ROBO2: variants seen among roughly 807,000 people sequenced by gnomAD.
The protein encoded by ROBO2 is roundabout guidance receptor 2, also known as roundabout homolog 2.
A neutral mutation model predicts 160.8 loss-of-function variants in ROBO2; 53 were observed. That is an observed-to-expected ratio of 0.33 (90% CI 0.26 to 0.41). The LOEUF (loss-of-function observed/expected upper bound fraction) is 0.41. ROBO2 is among the 10% of genes least tolerant of loss of function. The pLI is 1.00. For synonymous variants in ROBO2, 664 were observed against 611.7 expected, an observed-to-expected ratio of 1.09 and a Z score of -1.26; for missense variants, 1,577 against 1,722.4, an observed-to-expected ratio of 0.92 and a Z score of 1.49.
chr3:76,133,648 G>A (rs1424280755), intron 2 of ROBO2, among the ~76,000 whole-genome samples: 1 of 152,088 alleles, frequency 6.6e-6, no homozygotes, highest in African/African-American at 2.4e-5. Flanking sequence ...CAAATCACTG[G>A]TGTTAAGTCC....
Position 76,953,754 on chromosome 3 carries a change from G to A in ROBO2, c.110-144260G>A, listed in dbSNP as rs116854408. On this transcript the variant is annotated intron_variant, in intron 2 of 26. Coordinates refer to the ROBO2 transcript ENST00000487694. ...AAAGACAGTCCTTAGAAGCAAGCAC[G>A]CGCACACACATGCCCTTCTCTCACA... Among the ~76,000 whole-genome samples the A allele has an allele frequency of 2.0e-3, 301 of 152,178 alleles. 9 individuals are homozygous for A. In the East Asian group the frequency reaches 0.054, roughly 28 times the overall value.
intron 2 of ROBO2, among the ~76,000 whole-genome samples, chr3:77,225,548 T>C (rs2086383341): frequency 6.6e-6 from 1 of 151,938 alleles, no homozygotes; most frequent in African/African-American, 2.4e-5. Context: ...CAGCCGTGCA[T>C]TATCAGGCAA....
chr3:77,037,195 TATAAA>T (rs1312825427), upstream of ROBO2, among the ~76,000 whole-genome samples: 5 of 152,160 alleles, frequency 3.3e-5, no homozygotes, highest in African/African-American at 1.2e-4. Flanking sequence ...ATGAGATTGT[TATAAA>T]ATAATGGTTT....
chr3:76,603,354 ATATAT>A (rs2087377779), intron 2 of ROBO2, among the ~76,000 whole-genome samples: 1 of 66,878 alleles, frequency 1.5e-5, no homozygotes, highest in African/African-American at 5.4e-5. Flanking sequence ...AAAAAAAAAT[ATATAT>A]ATATATATAT....
Position 76,834,225 on chromosome 3 carries a change from G to A in ROBO2, c.110-263789G>A, listed in dbSNP as rs188705641. ...TCTTTCTTTCTTGTTTTTTTCTTGA[G>A]ACAAGGTCTTACTATGTCACCCAAG... On this transcript the variant is annotated intron_variant, in intron 2 of 26. Transcript: ENST00000487694. Among the ~76,000 whole-genome samples the A allele has an allele frequency of 1.7e-3, 221 of 128,470 alleles. 1 individual carries two copies. Among genetic ancestry groups the A allele is most frequent in the African/African-American group, 6.3e-3 (215 of 34,124 alleles). 84.3% of individuals were successfully genotyped at this position (128,470 alleles called of 152,430 possible).
intron 2 of ROBO2, among the ~76,000 whole-genome samples, chr3:76,656,669 G>A (rs1209661863): frequency 1.3e-5 from 2 of 152,002 alleles, no homozygotes; most frequent in African/African-American, 4.8e-5. Flanking sequence ...GCAAGAAACT[G>A]ACTAAAGCTA....
intron 2 of ROBO2, among the ~76,000 whole-genome samples, chr3:76,683,406 T>C (rs922454116): frequency 6.7e-6 from 1 of 148,558 alleles, no homozygotes; most frequent in Non-Finnish European, 1.5e-5. Context: ...CAGTATAATA[T>C]GATTCAGCGC....
rs575362702 is a variant in ROBO2, at chr3:77,621,847, G to A, written c.3555-380G>A. Among the ~76,000 whole-genome samples, 32 of 152,288 alleles carry A rather than the reference G, an allele frequency of 2.1e-4. No homozygotes were observed. The East Asian group carries it at 2.9e-3, about 14-fold the overall frequency. ...AGGCAGCATGGGTTACACAGACTGA[G>A]TAGAATTTTGACACTAAACTGAGAA... On this transcript the variant is annotated intron_variant, in intron 22 of 25. Coordinates refer to ENST00000461745, the Ensembl canonical transcript of ROBO2.
chr3:76,292,376 A>G, intron 2 of ROBO2, among the ~76,000 whole-genome samples: 1 of 152,186 alleles, frequency 6.6e-6, no homozygotes, highest in Admixed American at 6.5e-5. Flanking sequence ...TCTACATTTC[A>G]TTATCCTTCA....
chr3:77,120,555 TGAATTTAA>T (rs113310168), intron 2 of ROBO2, among the ~76,000 whole-genome samples: 2,400 of 152,330 alleles, frequency 0.016, 47 homozygotes, highest in African/African-American at 0.055. Flanking sequence ...TTTTATTCTG[TGAATTTAA>T]GATTAGCCTG....
chr3:76,282,243 A>C (rs1372862191), intron 2 of ROBO2, among the ~76,000 whole-genome samples: 2 of 152,002 alleles, frequency 1.3e-5, no homozygotes, highest in Admixed American at 1.3e-4. Flanking sequence ...GTATTTTGTA[A>C]TAATAGGTAG....
intron 1 of ROBO2, among the ~76,000 whole-genome samples, chr3:77,075,342 T>C (rs780838376): frequency 5.3e-5 from 8 of 152,162 alleles, no homozygotes; most frequent in South Asian, 2.1e-4. Flanking sequence ...ATTGAGGCAA[T>C]TGGGAACTTC....
chr3:75,991,165 G>GTGTA (rs1352340307), intron 2 of ROBO2, among the ~76,000 whole-genome samples: 2 of 152,120 alleles, frequency 1.3e-5, no homozygotes, highest in South Asian at 4.1e-4. Flanking sequence ...CTATCTATGT[G>GTGTA]TGTATGTATG....
At chr3:77,540,340 A>G (rs938908554) in intron 6 of ROBO2, among the ~76,000 whole-genome samples, 2 of 152,158 alleles carry the variant, frequency 1.3e-5, no homozygotes, top group African/African-American at 4.8e-5. Context: ...AGATATGACA[A>G]ATTTTTAGTT....
At chr3:76,836,956 C>T (rs2067752350) in intron 2 of ROBO2, among the ~76,000 whole-genome samples, 1 of 151,682 alleles carries the variant, frequency 6.6e-6, no homozygotes, top group Admixed American at 6.6e-5. Context: ...TCAATATGCT[C>T]TATCAGTTAC....
At position 77,084,384 on chromosome 3, in the gene ROBO2, T is replaced by C. The variant is rs530684127; in HGVS notation, c.62-13630T>C. ...TCCAACTTATCAGAGTTTGATATAT[T>C]GAATATTTTATGGTAAAGGCAACTT... is the stretch of plus-strand genomic sequence containing the variant. On this transcript the variant is annotated intron_variant, in intron 1 of 25. Coordinates refer to ENST00000461745, the Ensembl canonical transcript of ROBO2. Among the ~76,000 whole-genome samples, 30 of 152,270 alleles carry C rather than the reference T, an allele frequency of 2.0e-4. 1 individual carries two copies. In the South Asian group the frequency reaches 6.2e-3, roughly 32 times the overall value.
intron 2 of ROBO2, among the ~76,000 whole-genome samples, chr3:76,548,574 G>T (rs1469988874): frequency 2.0e-5 from 3 of 151,608 alleles, no homozygotes; most frequent in Non-Finnish European, 4.4e-5. Flanking sequence ...GAAATCTTGA[G>T]AAATAAATAT....
At chr3:76,861,455 T>TAC (rs1312484162) in intron 2 of ROBO2, among the ~76,000 whole-genome samples, 2 of 152,146 alleles carry the variant, frequency 1.3e-5, no homozygotes, top group Admixed American at 6.5e-5. Flanking sequence ...CCACCACTAT[T>TAC]ACTCCTCTTC....
intron 2 of ROBO2, among the ~76,000 whole-genome samples, chr3:77,274,145 A>C (rs2059677373): frequency 6.6e-6 from 1 of 152,158 alleles, no homozygotes; most frequent in Non-Finnish European, 1.5e-5. Context: ...TTAAACCAAA[A>C]CTAAACACTT....
Sources: allele counts gnomAD v4.1 joint callset (sites outside exome capture counted in the v4.1 genomes callset), GRCh38; gene constraint gnomAD v4.1.1; transcripts MANE v1.5; gene names NCBI Gene and HGNC (gene_info 2026-07-23, HGNC 2026-07-21).